Variants in N4BP2L1 observed in about 807,000 individuals in gnomAD.
The protein encoded by N4BP2L1 is NEDD4-binding protein 2-like 1.
In N4BP2L1, 12 loss-of-function variants were observed where a neutral mutation model predicts 21.2. The ratio of observed to expected loss-of-function variants is 0.57; its 90% CI spans 0.36 to 0.92. N4BP2L1 has a LOEUF of 0.92. Ranked by LOEUF, N4BP2L1 falls within the 40% of genes least tolerant of loss-of-function variation. The pLI, the probability that N4BP2L1 is intolerant of heterozygous loss-of-function variation, is 0.01. For missense variants in N4BP2L1, 259 were observed against 310.6 expected (o/e 0.83, Z 1.25); for synonymous variants, 104 against 112.8 (o/e 0.92, Z 0.49).
intron 1 of N4BP2L1, chr13:32,425,784 A>T (rs1032695440): frequency 5.3e-5 from 8 of 152,130 alleles, no homozygotes; most frequent in Admixed American, 3.9e-4. Flanking sequence ...ATTAAGAGTC[A>T]GAAGGATCTT....
At chr13:32,418,455 G>A (rs1011853158) in intron 1 of N4BP2L1, among the ~76,000 whole-genome samples, 1 of 152,196 alleles carries the variant, frequency 6.6e-6, no homozygotes, top group African/African-American at 2.4e-5. Flanking sequence ...TGCAGGGGTG[G>A]TGCCCTCATG....
At chr13:32,403,584 T>C (rs1177285887) in intron 4 of N4BP2L1, 1 of 455,240 alleles carries the variant, frequency 2.2e-6, no homozygotes, top group African/African-American at 2.0e-5. Context: ...TTCTAGGAGA[T>C]ACTTATTAAA....
At chr13:32,426,782 A>G (rs1487862850) in intron 1 of N4BP2L1, among the ~76,000 whole-genome samples, 1 of 152,194 alleles carries the variant, frequency 6.6e-6, no homozygotes, top group Non-Finnish European at 1.5e-5. Flanking sequence ...TTGGCAGGGT[A>G]AGACATGGCT....
At position 32,402,640 on chromosome 13, in the gene N4BP2L1, T is replaced by C; in HGVS notation, c.*302A>G. On this transcript the variant is annotated 3_prime_UTR_variant, in exon 5 of 5. Coordinates refer to ENST00000380130, the MANE Select transcript of N4BP2L1 (RefSeq NM_052818.3). Reference sequence around the variant, plus strand: ...GCTTATATATAATATAAACACTTTATTTCATCTATGAACCTATGTAAATAT... The same window carrying C: ...GCTTATATATAATATAAACACTTTACTTCATCTATGAACCTATGTAAATAT... 9.1e-7 allele frequency: 1 copy of C among 1,104,330 alleles called. No individual in the cohort carries two copies. Among genetic ancestry groups the C allele is most frequent in the Non-Finnish European group, 1.1e-6 (1 of 904,618 alleles). 68.4% of individuals were successfully genotyped at this position (1,104,330 alleles called of 1,614,324 possible). A position where few individuals can be genotyped will look rare whatever the true frequency, so the allele number is the denominator to read the frequency against.
intron 1 of N4BP2L1, among the ~76,000 whole-genome samples, chr13:32,426,295 T>G (rs1362205552): frequency 6.6e-6 from 1 of 152,116 alleles, no homozygotes; most frequent in Non-Finnish European, 1.5e-5. Context: ...GAAAGTGAAA[T>G]TAAACAGGAT....
In N4BP2L1 at chr13:32,402,798, GTGA is replaced by G. The variant is rs2073219908; in HGVS notation, c.*141_*143del. 1 of 1,406,628 alleles carries G rather than the reference GTGA, an allele frequency of 7.1e-7. No homozygotes were observed. Among genetic ancestry groups the G allele is most frequent in the East Asian group, 2.6e-5 (1 of 39,036 alleles). The allele number at this position is 1,406,628 out of a possible 1,614,324, so 87.1% of individuals were successfully genotyped here. A position where few individuals can be genotyped will look rare whatever the true frequency, so the allele number is the denominator to read the frequency against. On this transcript the variant is annotated 3_prime_UTR_variant, in exon 5 of 5. Transcript: ENST00000380130. ...ACTTTAACAAATTTTGGTGAAGAAA[GTGA>G]ATATAATGACTTTGCTCAGAAACTT...
intron 4 of N4BP2L1, 88 bp downstream of exon 4, chr13:32,404,233 T>C: frequency 3.1e-6 from 5 of 1,588,912 alleles, no homozygotes; most frequent in Non-Finnish European, 4.3e-6. Flanking sequence ...CCATGTCCAT[T>C]TCCAGCCTGA....
chr13:32,429,381 A>G (rs1049490742), upstream of N4BP2L1, among the ~76,000 whole-genome samples: 1 of 152,252 alleles, frequency 6.6e-6, no homozygotes, highest in African/African-American at 2.4e-5. Context: ...CTAAGAAACA[A>G]TGGAATTTCA....
chr13:32,411,780 A>G (rs2073877579), intron 1 of N4BP2L1: 2 of 975,158 alleles, frequency 2.1e-6, no homozygotes, highest in African/African-American at 3.5e-5. Flanking sequence ...ATTTAATAAT[A>G]GAGAACCATA....
intron 1 of N4BP2L1, among the ~76,000 whole-genome samples, chr13:32,423,130 TGTAAA>T (rs1232088311): frequency 6.6e-6 from 1 of 152,222 alleles, no homozygotes; most frequent in Non-Finnish European, 1.5e-5. Flanking sequence ...CTTATCTGGT[TGTAAA>T]GTATACTTTT....
chr13:32,414,074 G>C (rs2074002979), intron 1 of N4BP2L1, among the ~76,000 whole-genome samples: 1 of 151,904 alleles, frequency 6.6e-6, no homozygotes, highest in Non-Finnish European at 1.5e-5. Context: ...TAGCAACGAG[G>C]TTTCACCATG....
At chr13:32,414,071 G>A (rs561504522) in intron 1 of N4BP2L1, among the ~76,000 whole-genome samples, 12 of 151,886 alleles carry the variant, frequency 7.9e-5, no homozygotes, top group Admixed American at 2.0e-4. Flanking sequence ...TAGTAGCAAC[G>A]AGGTTTCACC....
In N4BP2L1 at chr13:32,407,107, A is replaced by G. The variant is rs902493920; in HGVS notation, c.396+143T>C. 3.8e-5 allele frequency: 30 copies of G among 785,014 alleles called. No homozygotes were observed. In the East Asian group the frequency reaches 5.5e-4, roughly 14 times the overall value. The allele number at this position is 785,014 out of a possible 1,614,324, so 48.6% of individuals were successfully genotyped here. ...TTGAACAGCAGAGAAACACTAAAAT[A>G]AAACCTCGTTACCTTCTCCCTGGGA... On this transcript the variant is annotated intron_variant, in intron 3 of 4. Coordinates refer to ENST00000380130, the MANE Select transcript of N4BP2L1 (RefSeq NM_052818.3).
intron 1 of N4BP2L1, among the ~76,000 whole-genome samples, chr13:32,414,828 C>A (rs7986073): frequency 0.013 from 2,007 of 152,270 alleles, 49 homozygotes; most frequent in African/African-American, 0.046. Context: ...GCTGCCAGAA[C>A]CTTACCTCAG....
At chr13:32,416,606 T>C (rs1263315500) in intron 1 of N4BP2L1, 1 of 152,160 alleles carries the variant, frequency 6.6e-6, no homozygotes, top group African/African-American at 2.4e-5. Context: ...ATGCTAAAAT[T>C]GCCTTTTTTC....
intron 1 of N4BP2L1, among the ~76,000 whole-genome samples, chr13:32,409,251 T>A (rs2073712029): frequency 1.3e-5 from 2 of 152,216 alleles, no homozygotes; most frequent in Admixed American, 1.3e-4. Flanking sequence ...AAATGGTAAC[T>A]AAATATCTGT....
In N4BP2L1 at chr13:32,402,400, G is replaced by C. The variant is rs2073183407; in HGVS notation, c.*542C>G. 1 of 776,786 alleles carries C rather than the reference G, an allele frequency of 1.3e-6. No homozygotes were observed. Among genetic ancestry groups the C allele is most frequent in the African/African-American group, 1.9e-5 (1 of 52,254 alleles). The allele number at this position is 776,786 out of a possible 1,614,324, so 48.1% of individuals were successfully genotyped here. A position where few individuals can be genotyped will look rare whatever the true frequency, so the allele number is the denominator to read the frequency against. ...TACTTTGAAGGACAATGTTCCCTTA[G>C]ATGTATGCTTTCTGGCATATTAACA... is the stretch of plus-strand genomic sequence containing the variant. On this transcript the variant is annotated 3_prime_UTR_variant, in exon 5 of 5. Coordinates refer to ENST00000380130, the MANE Select transcript of N4BP2L1 (RefSeq NM_052818.3).
chr13:32,403,394 C>A (rs1047394576), intron 4 of N4BP2L1, among the ~76,000 whole-genome samples, 194 bp from the exon 5 acceptor site: 1 of 152,082 alleles, frequency 6.6e-6, no homozygotes, highest in African/African-American at 2.4e-5. Context: ...CCTGCACACC[C>A]CCAAACCACC....
intron 1 of N4BP2L1, among the ~76,000 whole-genome samples, chr13:32,427,185 T>A (rs1006247678): frequency 6.6e-6 from 1 of 152,244 alleles, no homozygotes; most frequent in Non-Finnish European, 1.5e-5. Context: ...TGGGCGCCCA[T>A]GGCGAGGCTC....
Sources: gnomAD v4.1 joint callset for allele counts (sites outside exome capture counted in the v4.1 genomes callset) on GRCh38, gnomAD v4.1.1 for gene constraint, MANE v1.5 for transcripts, NCBI Gene and HGNC (gene_info 2026-07-23, HGNC 2026-07-21) for gene names.